Variants in UTS2R observed in about 807,000 individuals in gnomAD.
UTS2R encodes urotensin 2 receptor, also known as urotensin-2 receptor.
For missense variants in UTS2R, 653 were observed against 562.2 expected (o/e 1.16, Z -1.63); for synonymous variants, 335 against 280.9 (o/e 1.19, Z -1.93).
chr17:82,374,234 T>A lies in UTS2R; in HGVS notation c.-82-9T>A. Reference sequence around the variant, plus strand: ...GAAGGTGTTGCCTGATTTGCTTCTTTCCCCACAGGCTGAGCTGGTTGCCCA... The same window carrying A: ...GAAGGTGTTGCCTGATTTGCTTCTTACCCCACAGGCTGAGCTGGTTGCCCA... On this transcript the variant is annotated splice_polypyrimidine_tract_variant and intron_variant, in intron 2 of 2. Coordinates refer to ENST00000313135, the MANE Select transcript of UTS2R (RefSeq NM_018949.3). 1 of 1,059,100 alleles carries A rather than the reference T, an allele frequency of 9.4e-7. No homozygotes were observed. The highest frequency in any genetic ancestry group is 1.3e-6 in the Non-Finnish European group (1 of 754,832). The allele number at this position is 1,059,100 out of a possible 1,614,324, so 65.6% of individuals were successfully genotyped here. A position where few individuals can be genotyped will look rare whatever the true frequency, so the allele number is the denominator to read the frequency against.
Position 82,376,656 on chromosome 17 carries a change from G to A in UTS2R, c.*1162G>A, listed in dbSNP as rs924833535. Among the ~76,000 whole-genome samples the A allele has an allele frequency of 6.6e-6, 1 of 152,278 alleles. No homozygotes were observed. Among genetic ancestry groups the A allele is most frequent in the Non-Finnish European group, 1.5e-5 (1 of 68,044 alleles). ...AGCTCCCCCCTGGAGTTACGAAAGT[G>A]CTCTGGAACTAGACGCTGGTGACTG... is the stretch of plus-strand genomic sequence containing the variant. On this transcript the variant is annotated 3_prime_UTR_variant, in exon 3 of 3. Transcript: ENST00000313135.
At position 82,374,883 on chromosome 17, in the gene UTS2R, G is replaced by T; in HGVS notation, c.559G>T (p.Ala187Ser). ...GCTGCTGACGCTGCCCGTGATGCTG[G>T]CCATGCGGCTGGTGCGCCGGGGTCC... Reference protein sequence around the residue: ...ALLLTLPVMLAMRLVRRGPKS... With the variant: ...ALLLTLPVMLSMRLVRRGPKS... Residue 187 changes from alanine to serine, a missense_variant, in exon 3 of 3, where the codon GCC becomes TCC. Coordinates refer to ENST00000313135, the MANE Select transcript of UTS2R (RefSeq NM_018949.3). 1 of 1,281,802 alleles carries T rather than the reference G, an allele frequency of 7.8e-7. No homozygotes were observed. The highest frequency in any genetic ancestry group is 1.1e-6 in the Non-Finnish European group (1 of 912,906). 79.4% of individuals were successfully genotyped at this position (1,281,802 alleles called of 1,614,324 possible).
At position 82,376,362 on chromosome 17, in the gene UTS2R, G is replaced by A. The variant is rs565669801; in HGVS notation, c.*868G>A. On this transcript the variant is annotated 3_prime_UTR_variant, in exon 3 of 3. Transcript: ENST00000313135. ...CTTGGCCAACCATCCTCTCTCTGGC[G>A]ACTGCCCCCCTCCAGCCCCCAGCCC... Among the ~76,000 whole-genome samples the A allele has an allele frequency of 7.9e-5, 12 of 152,210 alleles. No individual in the cohort carries two copies. The highest frequency in any genetic ancestry group is 1.9e-4 in the African/African-American group (8 of 41,534).
Position 82,375,356 on chromosome 17 carries a change from C to G in UTS2R, c.1032C>G (p.Ser344=). Residue 344 remains serine (S), a synonymous_variant, in exon 3 of 3, where the codon TCC becomes TCG. Transcript: ENST00000313135. ...GGGGAGGCCGGGGGCCCGTTCCCTC[C>G]CTGCAGCCCCGCGCCCGCTTCCAGC... ...GSGGGRGPVP[S]LQPRARFQRC... is the part of the protein sequence containing the mutation. 1.3e-6 allele frequency: 2 copies of G among 1,573,974 alleles called. No homozygotes were observed. Among genetic ancestry groups the G allele is most frequent in the African/African-American group, 2.8e-5 (2 of 71,498 alleles).
intron 2 of UTS2R, among the ~76,000 whole-genome samples, 25 bp downstream of exon 2, chr17:82,372,808 C>T (rs11658052): frequency 0.25 from 37,721 of 151,988 alleles, 5,069 homozygotes; most frequent in Non-Finnish European, 0.31. Context: ...GTAGAATTGC[C>T]GGGTGAGAAG....
chr17:82,374,908 C>A lies in UTS2R; in HGVS notation c.584C>A (p.Pro195His). The A allele has an allele frequency of 8.4e-7, 1 of 1,192,370 alleles. No homozygotes were observed. The highest frequency in any genetic ancestry group is 1.3e-5 in the South Asian group (1 of 78,528). 73.9% of individuals were successfully genotyped at this position (1,192,370 alleles called of 1,614,324 possible). A position where few individuals can be genotyped will look rare whatever the true frequency, so the allele number is the denominator to read the frequency against. ...GCCATGCGGCTGGTGCGCCGGGGTC[C>A]CAAGAGCCTGTGCCTGCCCGCCTGG... ...MLAMRLVRRGPKSLCLPAWGP... is the reference protein window; with the variant it reads ...MLAMRLVRRGHKSLCLPAWGP... Residue 195 changes from proline (P) to histidine (H), a missense_variant, in exon 3 of 3, where the codon CCC becomes CAC. Transcript: ENST00000313135.
Position 82,375,543 on chromosome 17 carries a change from C to A in UTS2R, c.*49C>A. ...CCAGGCGGGGACGCGCCCCAAAGCC[C>A]CAGCCACTCCCGGGAGCCCCCCCAA... On this transcript the variant is annotated 3_prime_UTR_variant, in exon 3 of 3. Transcript: ENST00000313135. 1 of 739,174 alleles carries A rather than the reference C, an allele frequency of 1.4e-6. No individual in the cohort carries two copies. The highest frequency in any genetic ancestry group is 2.1e-5 in the South Asian group (1 of 47,136). The allele number at this position is 739,174 out of a possible 1,614,324, so 45.8% of individuals were successfully genotyped here.
rs2143116732 is a variant in UTS2R, at chr17:82,375,489, G to A, written c.1165G>A (p.Ala389Thr). Residue 389 changes from alanine to threonine, a missense_variant, in exon 3 of 3, where the codon GCG becomes ACG. By Grantham distance (58) the Ala-to-Thr change is moderately conservative. Transcript: ENST00000313135. The part of the protein sequence containing the change: ...RPAPEGPRAP[A>T] ...TGCGCCCGAGGGTCCCAGGGCCCCG[G>A]CGTGAGCACGCGGAGGGGCGGCTGG... 7.6e-7 allele frequency: 1 copy of A among 1,318,364 alleles called. No individual in the cohort carries two copies. The highest frequency in any genetic ancestry group is 1.0e-6 in the Non-Finnish European group (1 of 990,512). 81.7% of individuals were successfully genotyped at this position (1,318,364 alleles called of 1,614,324 possible).
rs1227809564 is a variant in UTS2R at position 82,375,194 on chromosome 17, G to C, written c.870G>C (p.Pro290=). The C allele has an allele frequency of 6.4e-7, 1 of 1,561,628 alleles. No individual in the cohort carries two copies. Among genetic ancestry groups the C allele is most frequent in the African/African-American group, 1.4e-5 (1 of 72,690 alleles). ...LAQYHQAPLA[P]RTARIVNYLT... is the part of the protein sequence containing the mutation. ...AGTACCACCAGGCCCCGCTGGCGCC[G>C]CGGACGGCGCGCATCGTCAACTACC... Residue 290 remains proline (P), a synonymous_variant, in exon 3 of 3, where the codon CCG becomes CCC. Transcript: ENST00000313135.
rs767312316 is a variant in UTS2R at position 82,375,046 on chromosome 17, C to G, written c.722C>G (p.Ser241Trp). 3 of 1,416,292 alleles carry G rather than the reference C, an allele frequency of 2.1e-6. No individual in the cohort carries two copies. Among genetic ancestry groups the G allele is most frequent in the South Asian group, 1.5e-5 (1 of 68,230 alleles). 87.7% of individuals were successfully genotyped at this position (1,416,292 alleles called of 1,614,324 possible). A position where few individuals can be genotyped will look rare whatever the true frequency, so the allele number is the denominator to read the frequency against. Residue 241 changes from serine (S) to tryptophan (W), a missense_variant, in exon 3 of 3, where the codon TCG becomes TGG. By Grantham distance (177) the Ser-to-Trp change is radical. Transcript: ENST00000313135. ...YARLARAYRR[S>W]QRASFKRARR... ...CGCCTGGCCCGCGCCTACCGCCGCT[C>G]GCAGCGCGCCTCCTTCAAGCGGGCC...
At chr17:82,372,523 C>A (rs1441479084) in intron 1 of UTS2R, among the ~76,000 whole-genome samples, 75 bp from the exon 2 acceptor site, 2 of 152,218 alleles carry the variant, frequency 1.3e-5, no homozygotes, top group African/African-American at 2.4e-5. Context: ...CTGCTCCCTG[C>A]GCAGCCATGA....
In UTS2R at chr17:82,377,179, T is replaced by C. The variant is rs2052503572; in HGVS notation, c.*1685T>C. Among the ~76,000 whole-genome samples, 2 of 152,082 alleles carry C rather than the reference T, an allele frequency of 1.3e-5. No homozygotes were observed. The highest frequency in any genetic ancestry group is 4.1e-4 in the South Asian group (2 of 4,822). On this transcript the variant is annotated 3_prime_UTR_variant, in exon 3 of 3. Coordinates refer to ENST00000313135, the MANE Select transcript of UTS2R (RefSeq NM_018949.3). The stretch of plus-strand genomic sequence containing the variant: ...TATGACCTTACCCCCAACCCTGTGC[T>C]CTCTGAAACATGTGCTGTGTCCACT...
In UTS2R at chr17:82,375,329, C is replaced by T; in HGVS notation, c.1005C>T (p.Ser335=). The change falls in exon 3 of 3, where the codon AGC becomes AGT. Residue 335 remains serine, a synonymous_variant. Transcript: ENST00000313135. ...GCGGCCGCGTGCGGGGCCCGGGCAG[C>T]GGGGGAGGCCGGGGGCCCGTTCCCT... The part of the protein sequence containing the change: ...HLRGRVRGPG[S]GGGRGPVPSL... 1.9e-6 allele frequency: 3 copies of T among 1,547,240 alleles called. No homozygotes were observed. The highest frequency in any genetic ancestry group is 2.6e-6 in the Non-Finnish European group (3 of 1,148,500).
At position 82,376,715 on chromosome 17, in the gene UTS2R, T is replaced by G. The variant is rs1296921695; in HGVS notation, c.*1221T>G. Among the ~76,000 whole-genome samples, 1 of 152,240 alleles carries G rather than the reference T, an allele frequency of 6.6e-6. No individual in the cohort carries two copies. The highest frequency in any genetic ancestry group is 1.5e-5 in the Non-Finnish European group (1 of 68,038). ...TGTGAACGAGCCAGTGCCACAGAAC[T>G]GTGCACCTGAATGTGTGAGTTCTGT... On this transcript the variant is annotated 3_prime_UTR_variant, in exon 3 of 3. Transcript: ENST00000313135.
intron 2 of UTS2R, among the ~76,000 whole-genome samples, chr17:82,373,726 G>A (rs1452837011): frequency 6.6e-6 from 1 of 152,206 alleles, no homozygotes; most frequent in Non-Finnish European, 1.5e-5. Flanking sequence ...GATTGCAGAG[G>A]CCTTCCTCTC....
rs2052454239 is a variant in UTS2R, at chr17:82,371,914, C to T, written c.-402C>T. On this transcript the variant is annotated 5_prime_UTR_variant, in exon 1 of 3. Coordinates refer to ENST00000313135, the MANE Select transcript of UTS2R (RefSeq NM_018949.3). This position sits in a 1 kb window ranked among gnomAD's most constrained non-coding sequence, Gnocchi z 6.3. ...CGGAGCCCCTCGCGCCCCCTCTGCG[C>T]TGGGACAGGGGAGCGCGCCTCGGAA... 6.6e-6 allele frequency among the ~76,000 whole-genome samples: 1 copy of T among 152,092 alleles called. No homozygotes were observed. Among genetic ancestry groups the T allele is most frequent in the Non-Finnish European group, 1.5e-5 (1 of 67,934 alleles).
In UTS2R at chr17:82,374,680, G is replaced by C. The variant is rs1410706005; in HGVS notation, c.356G>C (p.Gly119Ala). ...TACGTCACCAAGGAGTGGCACTTCG[G>C]GGACGTGGGCTGCCGCGTGCTCTTC... is the stretch of plus-strand genomic sequence containing the variant. The part of the protein sequence containing the change: ...ATYVTKEWHF[G>A]DVGCRVLFGL... Residue 119 changes from glycine (G) to alanine (A), a missense_variant, in exon 3 of 3, where the codon GGG becomes GCG. Transcript: ENST00000313135. 1.9e-6 allele frequency: 3 copies of C among 1,613,418 alleles called. No homozygotes were observed. Among genetic ancestry groups the C allele is most frequent in the Non-Finnish European group, 2.5e-6 (3 of 1,179,952 alleles).
In UTS2R at chr17:82,372,777, A is replaced by G. The variant is rs768239661; in HGVS notation, c.-89A>G. 3.7e-4 allele frequency among the ~76,000 whole-genome samples: 57 copies of G among 152,180 alleles called. No individual in the cohort carries two copies. Among genetic ancestry groups the G allele is most frequent in the Admixed American group, 7.9e-4 (12 of 15,284 alleles). ...ATTTTCTGAACGTTGGCAGCCCTTT[A>G]TCTAAGGTACTAACCTGAGAGTAGA... On this transcript the variant is annotated 5_prime_UTR_variant, in exon 2 of 3. Coordinates refer to ENST00000313135, the MANE Select transcript of UTS2R (RefSeq NM_018949.3).
intron 2 of UTS2R, among the ~76,000 whole-genome samples, chr17:82,373,810 A>G (rs2052465916): frequency 6.6e-6 from 1 of 152,156 alleles, no homozygotes; most frequent in African/African-American, 2.4e-5. Flanking sequence ...ACATTTTTTT[A>G]AATGTACAAG....
Sources: gnomAD v4.1 joint callset for allele counts (sites outside exome capture counted in the v4.1 genomes callset) on GRCh38, gnomAD v4.1.1 for gene constraint, Gnocchi (gnomAD v3.1) non-coding constraint, MANE v1.5 for transcripts, NCBI Gene and HGNC (gene_info 2026-07-23, HGNC 2026-07-21) for gene names.